SRGAP1: variants seen among roughly 807,000 people sequenced by gnomAD.
SRGAP1 encodes SLIT-ROBO Rho GTPase activating protein 1, also known as SLIT-ROBO Rho GTPase-activating protein 1.
A neutral mutation model predicts 121.9 loss-of-function variants in SRGAP1; 43 were observed. The ratio of observed to expected loss-of-function variants is 0.35; its 90% CI spans 0.28 to 0.46. The LOEUF (loss-of-function observed/expected upper bound fraction) is 0.46, where lower values mean the gene tolerates loss of function less well. Ranked by LOEUF, SRGAP1 falls within the 20% of genes least tolerant of loss-of-function variation. The pLI, the probability that SRGAP1 is intolerant of heterozygous loss-of-function variation, is 1.00. For synonymous variants in SRGAP1, 447 were observed against 485.4 expected (o/e 0.92, Z 1.04); for missense variants, 1,102 against 1,350.9 (o/e 0.82, Z 2.89).
rs1565652059 is a variant in SRGAP1 at position 64,039,627 on chromosome 12, A to ATGTGTGTG, written c.490-3163_490-3162insTGTGTGTG. ...TAGCAAGAATACAGACAGCTGAGCA[A>ATGTGTGTG]CGTGTGTGTGTGTGTGTGTGTGTGT... On this transcript the variant is annotated intron_variant, in intron 4 of 21. Coordinates refer to ENST00000355086, the MANE Select transcript of SRGAP1 (RefSeq NM_020762.4). Among the ~76,000 whole-genome samples, 9 of 38,376 alleles carry ATGTGTGTG rather than the reference A, an allele frequency of 2.3e-4. 1 individual carries two copies. The highest frequency in any genetic ancestry group is 6.6e-4 in the African/African-American group (8 of 12,042). 25.2% of individuals were successfully genotyped at this position (38,376 alleles called of 152,430 possible). A position where few individuals can be genotyped will look rare whatever the true frequency, so the allele number is the denominator to read the frequency against.
intron 15 of SRGAP1, chr12:64,097,642 A>AGCCAGGT (rs1462300251): frequency 3.1e-6 from 1 of 318,584 alleles, no homozygotes; most frequent in African/African-American, 2.1e-5. Context: ...TTGAGCAGAA[A>AGCCAGGT]GCCAGGTGCC....
intron 1 of SRGAP1, among the ~76,000 whole-genome samples, chr12:63,883,804 G>A (rs1461737191): frequency 6.6e-6 from 1 of 151,256 alleles, no homozygotes; most frequent in Non-Finnish European, 1.5e-5. Flanking sequence ...GACTACAGGC[G>A]CCTGCCGCCA....
chr12:64,000,121 A>T (rs2033832847), intron 3 of SRGAP1, among the ~76,000 whole-genome samples: 1 of 152,122 alleles, frequency 6.6e-6, no homozygotes, highest in African/African-American at 2.4e-5. Flanking sequence ...AGAATGGCAG[A>T]TGTTGAGTGA....
At chr12:64,021,760 A>G (rs183182060) in intron 4 of SRGAP1, among the ~76,000 whole-genome samples, 164 of 152,328 alleles carry the variant, frequency 1.1e-3, no homozygotes, top group Non-Finnish European at 1.9e-3. Flanking sequence ...CTTTAACAAA[A>G]TGTAGGTGGC....
chr12:64,113,694 T>C (rs1162546490), intron 17 of SRGAP1, among the ~76,000 whole-genome samples: 2 of 152,222 alleles, frequency 1.3e-5, no homozygotes, highest in African/African-American at 2.4e-5. Context: ...ACCCCTATTA[T>C]ATCTCAGCTG....
chr12:64,027,891 T>A (rs914350442), intron 4 of SRGAP1, among the ~76,000 whole-genome samples: 2 of 152,206 alleles, frequency 1.3e-5, no homozygotes, highest in African/African-American at 4.8e-5. Flanking sequence ...TAGTTGATGC[T>A]GCAATTCTAA....
chr12:64,058,633 G>A (rs58345379), intron 6 of SRGAP1, among the ~76,000 whole-genome samples: 5,352 of 152,082 alleles, frequency 0.035, 338 homozygotes, highest in African/African-American at 0.12. Context: ...ATGAAATCTT[G>A]TATTGGTTTC....
chr12:64,079,291 G>A (rs374027718), intron 9 of SRGAP1, among the ~76,000 whole-genome samples, 175 bp downstream of exon 9: 1 of 151,834 alleles, frequency 6.6e-6, no homozygotes, highest in Non-Finnish European at 1.5e-5. Flanking sequence ...TTATTTAGGA[G>A]TTAGTTAGTT....
At chr12:63,847,007 C>T (rs963758469) in intron 1 of SRGAP1, among the ~76,000 whole-genome samples, 20 of 152,136 alleles carry the variant, frequency 1.3e-4, no homozygotes, top group Middle Eastern at 3.2e-3. Flanking sequence ...TCTGTACCCT[C>T]GCAGAGTGCT....
chr12:64,042,775 G>C lies in SRGAP1; in HGVS notation c.490-15G>C. 6.2e-7 allele frequency: 1 copy of C among 1,607,520 alleles called. No homozygotes were observed. The highest frequency in any genetic ancestry group is 1.1e-5 in the South Asian group (1 of 90,402). ...AGACAGACATCTTGTAACAATTTGG[G>C]TCACTTTTCCACAGGTGATGAAAAC... On this transcript the variant is annotated splice_polypyrimidine_tract_variant and intron_variant, in intron 4 of 21. Transcript: ENST00000355086.
chr12:64,041,359 T>TTTTA (rs537809038), intron 4 of SRGAP1, among the ~76,000 whole-genome samples: 4,164 of 85,778 alleles, frequency 0.049, 81 homozygotes, highest in East Asian at 0.068. Context: ...TGGCATTTTA[T>TTTTA]TTTATTTATT....
intron 12 of SRGAP1, 123 bp downstream of exon 12, chr12:64,091,501 A>G: frequency 3.4e-6 from 2 of 585,940 alleles, no homozygotes. Context: ...GCTTTCCCAG[A>G]AAATCAATAT....
intron 6 of SRGAP1, among the ~76,000 whole-genome samples, chr12:64,053,569 A>G (rs1230494494): frequency 1.3e-5 from 2 of 152,252 alleles, no homozygotes; most frequent in African/African-American, 4.8e-5. Context: ...TAATTTCACA[A>G]CAAATAAGGA....
intron 1 of SRGAP1, among the ~76,000 whole-genome samples, chr12:63,949,912 C>T (rs963483452): frequency 6.6e-6 from 1 of 152,156 alleles, no homozygotes; most frequent in African/African-American, 2.4e-5. Flanking sequence ...TTCCCTGATA[C>T]TGATTGAACC....
chr12:63,896,694 C>T (rs1443221222), intron 1 of SRGAP1, among the ~76,000 whole-genome samples: 1 of 152,164 alleles, frequency 6.6e-6, no homozygotes, highest in East Asian at 1.9e-4. Flanking sequence ...CAAGTATTGG[C>T]TTAGTTTTTA....
intron 1 of SRGAP1, among the ~76,000 whole-genome samples, chr12:63,944,009 A>G (rs1259698703): frequency 1.3e-5 from 2 of 152,200 alleles, no homozygotes; most frequent in African/African-American, 4.8e-5. Context: ...TTGGATGTAT[A>G]TGTACATGTT....
chr12:64,105,085 C>T (rs1184928841), intron 15 of SRGAP1, among the ~76,000 whole-genome samples: 1 of 152,030 alleles, frequency 6.6e-6, no homozygotes, highest in Admixed American at 6.6e-5. Flanking sequence ...CGCCCCAGGC[C>T]CTGGCTTTAT....
At chr12:64,085,089 T>A (rs1024168931) in intron 10 of SRGAP1, among the ~76,000 whole-genome samples, 1 of 152,138 alleles carries the variant, frequency 6.6e-6, no homozygotes. Flanking sequence ...TACATTATAG[T>A]TCCTGGGATC....
chr12:63,996,302 A>T (rs2033706264), intron 3 of SRGAP1, among the ~76,000 whole-genome samples: 1 of 152,108 alleles, frequency 6.6e-6, no homozygotes, highest in African/African-American at 2.4e-5. Context: ...TGGCTTGGAA[A>T]GGTGCCATTT....
Sources: allele counts gnomAD v4.1 joint callset (sites outside exome capture counted in the v4.1 genomes callset), GRCh38; gene constraint gnomAD v4.1.1; transcripts MANE v1.5; gene names NCBI Gene and HGNC (gene_info 2026-07-23, HGNC 2026-07-21).